The following POLR3B variants were observed in gnomAD, a reference collection of about 807,000 sequenced individuals.
POLR3B encodes the protein DNA-directed RNA polymerase III subunit RPC2.
POLR3B carries 96 observed loss-of-function variants against 147.4 expected under a neutral mutation model. That is an observed-to-expected ratio of 0.65 (90% CI 0.55 to 0.77). POLR3B has a LOEUF of 0.77. Among genes scored for constraint, POLR3B ranks in the 30% least tolerant of loss-of-function variants. The pLI, the probability that POLR3B is intolerant of heterozygous loss-of-function variation, is 0.00. For missense variants in POLR3B, 1,036 were observed against 1,413.5 expected (o/e 0.73, Z 4.28); for synonymous variants, 461 against 485.9 (o/e 0.95, Z 0.67).
At chr12:106,430,575 T>C in intron 14 of POLR3B, 102 bp downstream of exon 14, 1 of 841,720 alleles carries the variant, frequency 1.2e-6, no homozygotes, top group Non-Finnish European at 2.0e-6. Context: ...CTCCAGGCCA[T>C]ATCCTTTCTT....
chr12:106,493,472 A>G (rs565587032), intron 23 of POLR3B, among the ~76,000 whole-genome samples: 1 of 152,228 alleles, frequency 6.6e-6, no homozygotes, highest in Non-Finnish European at 1.5e-5. Context: ...GTAAAATACA[A>G]ACTTTTAAAA....
At chr12:106,419,750 G>A (rs2037349491) in intron 12 of POLR3B, among the ~76,000 whole-genome samples, 1 of 107,130 alleles carries the variant, frequency 9.3e-6, no homozygotes, top group Admixed American at 9.4e-5. Flanking sequence ...TACTGAAGAA[G>A]TCTACTTTTT....
chr12:106,393,826 A>G (rs2036947866), intron 10 of POLR3B, among the ~76,000 whole-genome samples: 1 of 151,396 alleles, frequency 6.6e-6, no homozygotes, highest in Non-Finnish European at 1.5e-5. Flanking sequence ...AAATAATTGC[A>G]CTTCCCTTCC....
At chr12:106,455,617 A>G (rs1182045551) in intron 20 of POLR3B, among the ~76,000 whole-genome samples, 1 of 152,224 alleles carries the variant, frequency 6.6e-6, no homozygotes, top group Non-Finnish European at 1.5e-5. Flanking sequence ...ATCACCTGTA[A>G]ATAAAATGTC....
intron 23 of POLR3B, among the ~76,000 whole-genome samples, chr12:106,491,266 A>G (rs2038405232): frequency 6.6e-6 from 1 of 152,194 alleles, no homozygotes; most frequent in Non-Finnish European, 1.5e-5. Flanking sequence ...GGCTCACCAG[A>G]AAGTGGTGCT....
intron 1 of POLR3B, among the ~76,000 whole-genome samples, chr12:106,363,551 C>T (rs955284171): frequency 1.3e-5 from 2 of 152,162 alleles, no homozygotes; most frequent in Non-Finnish European, 2.9e-5. Context: ...CTCTCTGAGC[C>T]TTATTTTCCT....
At chr12:106,437,986 A>G (rs1269305960) in intron 18 of POLR3B, among the ~76,000 whole-genome samples, 2 of 152,136 alleles carry the variant, frequency 1.3e-5, no homozygotes, top group East Asian at 1.9e-4. Flanking sequence ...CTATCAACCC[A>G]TCACCTAGGT....
intron 12 of POLR3B, among the ~76,000 whole-genome samples, chr12:106,426,790 A>G (rs2037443176): frequency 6.7e-6 from 1 of 149,724 alleles, no homozygotes; most frequent in African/African-American, 2.5e-5. Flanking sequence ...ATGATACAGG[A>G]AACATCTTGG....
chr12:106,487,215 T>TGA (rs2038352616), intron 23 of POLR3B, among the ~76,000 whole-genome samples: 1 of 152,228 alleles, frequency 6.6e-6, no homozygotes, highest in Non-Finnish European at 1.5e-5. Flanking sequence ...TTCAAAGTGT[T>TGA]GAGTTTTCAG....
chr12:106,420,753 A>G (rs1236552541), intron 12 of POLR3B, among the ~76,000 whole-genome samples: 2 of 152,206 alleles, frequency 1.3e-5, no homozygotes, highest in African/African-American at 4.8e-5. Context: ...TAGCATTTAT[A>G]GGTAATTTTT....
intron 23 of POLR3B, among the ~76,000 whole-genome samples, chr12:106,483,705 G>T (rs752922126): frequency 3.7e-4 from 57 of 152,258 alleles, no homozygotes; most frequent in Admixed American, 3.2e-3. Context: ...ATTTTCTGAG[G>T]CAGCCTCTTC....
intron 12 of POLR3B, among the ~76,000 whole-genome samples, chr12:106,422,354 C>A (rs796898411): frequency 1.3e-5 from 2 of 152,282 alleles, no homozygotes; most frequent in African/African-American, 4.8e-5. Context: ...TGTAAGTTTC[C>A]TGAGGCCTCC....
At position 106,464,501 on chromosome 12, in the gene POLR3B, GAAC is replaced by G. The variant is rs565668403; in HGVS notation, c.2713+882_2713+884del. 7.0e-3 allele frequency among the ~76,000 whole-genome samples: 1,066 copies of G among 152,254 alleles called. 15 individuals are homozygous for G. The highest frequency in any genetic ancestry group is 0.025 in the African/African-American group (1,025 of 41,556). The stretch of plus-strand genomic sequence containing the variant: ...GCCCAAGGTCACACAATTAATGGGA[GAAC>G]TGACATTTGAACCTTGGCAGCTTGG... On this transcript the variant is annotated intron_variant, in intron 23 of 27. Coordinates refer to ENST00000228347, the MANE Select transcript of POLR3B (RefSeq NM_018082.6).
chr12:106,406,169 C>T (rs1291678201), intron 11 of POLR3B, among the ~76,000 whole-genome samples, 193 bp downstream of exon 11: 1 of 152,158 alleles, frequency 6.6e-6, no homozygotes, highest in Non-Finnish European at 1.5e-5. Context: ...TTAGCTGTAT[C>T]GCCATCATCA....
At chr12:106,451,941 G>A (rs1256724509) in intron 19 of POLR3B, among the ~76,000 whole-genome samples, 3 of 152,254 alleles carry the variant, frequency 2.0e-5, no homozygotes, top group East Asian at 3.9e-4. Flanking sequence ...CCATAGTACA[G>A]CAAAATGGGA....
chr12:106,498,730 C>T (rs1018227385), intron 25 of POLR3B, among the ~76,000 whole-genome samples: 5 of 152,182 alleles, frequency 3.3e-5, no homozygotes, highest in Admixed American at 1.3e-4. Context: ...GGACTACAGG[C>T]ACAGACCACC....
chr12:106,373,166 A>G (rs144581981), intron 6 of POLR3B, among the ~76,000 whole-genome samples: 80 of 152,316 alleles, frequency 5.3e-4, no homozygotes, highest in Non-Finnish European at 9.7e-4. Flanking sequence ...TGTTTGTTCT[A>G]TCAATTACTA....
Position 106,463,630 on chromosome 12 carries a change from A to T in POLR3B, c.2713+10A>T. ...CGTCATGGGCAAAAAGGTAAACTGT[A>T]TCATTTCTCAACTTGATTATAAAAC... On this transcript the variant is annotated intron_variant, in intron 23 of 27. Coordinates refer to ENST00000228347, the MANE Select transcript of POLR3B (RefSeq NM_018082.6). The T allele has an allele frequency of 1.2e-6, 2 of 1,607,672 alleles. No individual in the cohort carries two copies. Among genetic ancestry groups the T allele is most frequent in the Non-Finnish European group, 1.7e-6 (2 of 1,174,266 alleles).
At chr12:106,496,709 G>A in intron 24 of POLR3B, 43 bp from the exon 25 acceptor site, 3 of 1,577,132 alleles carry the variant, frequency 1.9e-6, no homozygotes, top group Non-Finnish European at 2.6e-6. Context: ...GAGAGTGCTT[G>A]TGCCACAGGG....
Sources: gnomAD v4.1 joint callset for allele counts (sites outside exome capture counted in the v4.1 genomes callset) on GRCh38, gnomAD v4.1.1 for gene constraint, MANE v1.5 for transcripts, NCBI Gene and HGNC (gene_info 2026-07-23, HGNC 2026-07-21) for gene names.